Variants in WDR7 observed in about 807,000 individuals in gnomAD.
WDR7 encodes WD repeat domain 7.
A neutral mutation model predicts 169.4 loss-of-function variants in WDR7; 46 were observed. The ratio of observed to expected loss-of-function variants is 0.27; its 90% CI spans 0.21 to 0.35. The LOEUF is 0.35. Ranked by LOEUF, WDR7 falls within the 10% of genes least tolerant of loss-of-function variation. The pLI is 1.00. For missense variants in WDR7, 1,534 were observed against 1,859.3 expected (o/e 0.83, Z 3.22); for synonymous variants, 612 against 666.8 (o/e 0.92, Z 1.27).
chr18:57,015,883 T>A (rs1335474549), intron 26 of WDR7, among the ~76,000 whole-genome samples: 1 of 152,218 alleles, frequency 6.6e-6, no homozygotes, highest in African/African-American at 2.4e-5. Context: ...TGCCTTGAAT[T>A]TCTGACCTGT....
At chr18:56,985,032 A>G (rs914211019) in intron 26 of WDR7, among the ~76,000 whole-genome samples, 3 of 152,146 alleles carry the variant, frequency 2.0e-5, no homozygotes, top group Admixed American at 1.3e-4. Flanking sequence ...CATCTCCATG[A>G]CACTCATAAT....
intron 21 of WDR7, among the ~76,000 whole-genome samples, chr18:56,898,634 C>T (rs573843080): frequency 6.6e-6 from 1 of 152,000 alleles, no homozygotes; most frequent in Non-Finnish European, 1.5e-5. Flanking sequence ...GAAAACATCC[C>T]AACTGAGAGA....
At chr18:56,699,382 T>C (rs1205866033) in intron 12 of WDR7, among the ~76,000 whole-genome samples, 2 of 152,252 alleles carry the variant, frequency 1.3e-5, no homozygotes, top group African/African-American at 4.8e-5. Context: ...CTGTTCTTTT[T>C]AGCAGAATAT....
intron 14 of WDR7, among the ~76,000 whole-genome samples, chr18:56,749,682 G>A (rs1301526640): frequency 1.3e-5 from 2 of 151,850 alleles, no homozygotes; most frequent in Non-Finnish European, 2.9e-5. Context: ...CTTGAAAACT[G>A]TAATATTAAA....
At chr18:57,015,064 A>G (rs73446842) in intron 26 of WDR7, among the ~76,000 whole-genome samples, 4,249 of 152,300 alleles carry the variant, frequency 0.028, 196 homozygotes, top group African/African-American at 0.096. Flanking sequence ...ATTGTTAAAC[A>G]CTGAAAAGGG....
chr18:56,758,322 G>C (rs1484168071), intron 15 of WDR7, among the ~76,000 whole-genome samples: 1 of 152,086 alleles, frequency 6.6e-6, no homozygotes, highest in East Asian at 1.9e-4. Context: ...AACCCTATGA[G>C]GTATGTACTT....
At chr18:56,723,989 C>G (rs2026380820) in intron 13 of WDR7, among the ~76,000 whole-genome samples, 1 of 151,512 alleles carries the variant, frequency 6.6e-6, no homozygotes, top group Admixed American at 6.6e-5. Context: ...TATTTTTCAT[C>G]CCAAACACTG....
chr18:57,002,792 T>C (rs2048002764), intron 26 of WDR7, among the ~76,000 whole-genome samples: 1 of 152,122 alleles, frequency 6.6e-6, no homozygotes. Context: ...AGCAAAATTG[T>C]AATGAGGGAA....
At chr18:56,813,820 A>G (rs894731267) in intron 19 of WDR7, among the ~76,000 whole-genome samples, 2 of 150,744 alleles carry the variant, frequency 1.3e-5, no homozygotes, top group African/African-American at 4.9e-5. Flanking sequence ...TTTTAGCACA[A>G]CTCCCTGGTC....
chr18:56,780,951 T>C, intron 18 of WDR7, among the ~76,000 whole-genome samples: 1 of 152,224 alleles, frequency 6.6e-6, no homozygotes, highest in East Asian at 1.9e-4. Context: ...TTTTGAAAAA[T>C]GATTTCCTCT....
At chr18:56,722,275 A>G (rs2026339171) in intron 13 of WDR7, among the ~76,000 whole-genome samples, 3 of 152,194 alleles carry the variant, frequency 2.0e-5, no homozygotes, top group African/African-American at 7.2e-5. Flanking sequence ...ATTTTGATAC[A>G]TTTAAATTGA....
chr18:56,932,241 C>G (rs925696818), intron 22 of WDR7, among the ~76,000 whole-genome samples: 3 of 152,146 alleles, frequency 2.0e-5, no homozygotes, highest in African/African-American at 7.2e-5. Flanking sequence ...GCTCAGACTG[C>G]CAGACACCAA....
chr18:56,773,567 T>A (rs530975355), intron 16 of WDR7, among the ~76,000 whole-genome samples: 41 of 152,102 alleles, frequency 2.7e-4, no homozygotes, highest in Non-Finnish European at 5.4e-4. Context: ...GCATGAAGCA[T>A]TGGAGATATG....
intron 1 of WDR7, among the ~76,000 whole-genome samples, chr18:56,656,979 A>G (rs1282194956): frequency 6.6e-6 from 1 of 152,092 alleles, no homozygotes; most frequent in African/African-American, 2.4e-5. Flanking sequence ...AATGCTATTG[A>G]TTTTCATATA....
intron 1 of WDR7, among the ~76,000 whole-genome samples, chr18:56,664,530 CTTTTT>C (rs56780827): frequency 1.9e-4 from 27 of 145,712 alleles, no homozygotes; most frequent in Non-Finnish European, 3.5e-4. Flanking sequence ...TTTTTTTCTC[CTTTTT>C]TTTTTTTTTT....
At chr18:56,822,351 C>A (rs1190848497) in intron 20 of WDR7, among the ~76,000 whole-genome samples, 1 of 152,100 alleles carries the variant, frequency 6.6e-6, no homozygotes, top group Non-Finnish European at 1.5e-5. Context: ...ACACTAAAGT[C>A]AACATCTATT....
chr18:56,673,177 A>ACC (rs1427512755), intron 2 of WDR7, among the ~76,000 whole-genome samples: 1 of 151,632 alleles, frequency 6.6e-6, no homozygotes, highest in Non-Finnish European at 1.5e-5. Context: ...ACACACACAC[A>ACC]CACACACACG....
intron 26 of WDR7, among the ~76,000 whole-genome samples, chr18:56,973,559 G>GT (rs2145808792): frequency 6.6e-6 from 1 of 151,914 alleles, no homozygotes; most frequent in Admixed American, 6.6e-5. Flanking sequence ...AAGAGTCCTA[G>GT]TACATTGAAT....
chr18:57,015,241 A>C (rs1013717713), intron 26 of WDR7, among the ~76,000 whole-genome samples: 23 of 152,236 alleles, frequency 1.5e-4, no homozygotes, highest in Admixed American at 3.9e-4. Flanking sequence ...ATGCACAAAG[A>C]GACTTGAGAA....
Sources: gnomAD v4.1 joint callset for allele counts (sites outside exome capture counted in the v4.1 genomes callset) on GRCh38, gnomAD v4.1.1 for gene constraint, MANE v1.5 for transcripts, NCBI Gene and HGNC (gene_info 2026-07-23, HGNC 2026-07-21) for gene names.